Variants in ARHGAP23 observed in about 807,000 individuals in gnomAD.
The protein encoded by ARHGAP23 is rho GTPase-activating protein 23.
Under a neutral mutation model 136.3 loss-of-function variants are expected in ARHGAP23, and 34 were observed. That is an observed-to-expected ratio of 0.25 (90% CI 0.19 to 0.33). The LOEUF (loss-of-function observed/expected upper bound fraction) is 0.33, where lower values mean the gene tolerates loss of function less well. Ranked by LOEUF, ARHGAP23 falls within the 10% of genes least tolerant of loss-of-function variation. The probability of loss-of-function intolerance (pLI) is 1.00; values close to 1 mark genes in which losing one functional copy is unlikely to be tolerated. For synonymous variants in ARHGAP23, 832 were observed against 920.5 expected, an observed-to-expected ratio of 0.90 and a Z score of 1.74; for missense variants, 1,808 against 2,139.0, an observed-to-expected ratio of 0.85 and a Z score of 3.05.
At chr17:38,457,844 T>G in intron 1 of ARHGAP23, 1 of 567,070 alleles carries the variant, frequency 1.8e-6, no homozygotes, top group Non-Finnish European at 3.1e-6. Context: ...CTTGCTTCAG[T>G]GAGTTATTTT....
At chr17:38,448,714 C>T (rs2039090303) in intron 1 of ARHGAP23, among the ~76,000 whole-genome samples, 1 of 146,418 alleles carries the variant, frequency 6.8e-6, no homozygotes. Context: ...GGCGCGAACA[C>T]AGCTCACTGC....
chr17:38,507,574 C>T (rs1016608155), intron 23 of ARHGAP23, among the ~76,000 whole-genome samples: 2 of 152,196 alleles, frequency 1.3e-5, no homozygotes, highest in Non-Finnish European at 2.9e-5. Flanking sequence ...AGTCTGACCT[C>T]GTTGCTTCTG....
chr17:38,448,444 C>T (rs1055854255), intron 1 of ARHGAP23, among the ~76,000 whole-genome samples: 7 of 152,236 alleles, frequency 4.6e-5, no homozygotes, highest in African/African-American at 1.7e-4. Flanking sequence ...ACTTAATCCT[C>T]CCAACAACCT....
At chr17:38,440,207 C>T (rs913986202) in intron 1 of ARHGAP23, among the ~76,000 whole-genome samples, 3 of 152,016 alleles carry the variant, frequency 2.0e-5, no homozygotes, top group Non-Finnish European at 4.4e-5. Context: ...TTGGTAGAGA[C>T]AAGGTTTCAC....
At position 38,469,901 on chromosome 17, in the gene ARHGAP23, C is replaced by CGGGGTGAGAGCTGCAA. The variant is rs1567803544; in HGVS notation, c.1973_1974+14dup. 1.3e-6 allele frequency: 2 copies of CGGGGTGAGAGCTGCAA among 1,551,670 alleles called. No homozygotes were observed. Among genetic ancestry groups the CGGGGTGAGAGCTGCAA allele is most frequent in the South Asian group, 2.4e-5 (2 of 84,070 alleles). On this transcript the variant is annotated frameshift_variant, in exon 10 of 24. Transcript: ENST00000622683. LOFTEE classifies it high-confidence loss of function. ...GGATGCTCCGGAGCTTCTTCACCGACGGGGTGAGAGCTGCAAGTGTGTGTG... is the reference window on the plus strand; with the variant it reads ...GGATGCTCCGGAGCTTCTTCACCGACGGGGTGAGAGCTGCAAGGGGTGAGAGCTGCAAGTGTGTGTG...
intron 1 of ARHGAP23, among the ~76,000 whole-genome samples, chr17:38,439,723 G>A (rs2038879481): frequency 6.6e-6 from 1 of 151,906 alleles, no homozygotes; most frequent in Admixed American, 6.6e-5. Flanking sequence ...ATACAGCTAG[G>A]AAGTGGGCCT....
intron 23 of ARHGAP23, among the ~76,000 whole-genome samples, chr17:38,507,511 T>C (rs1050597710): frequency 6.6e-6 from 1 of 152,110 alleles, no homozygotes; most frequent in African/African-American, 2.4e-5. Context: ...CTGGATTAAC[T>C]CCCTGATCTC....
At chr17:38,453,567 G>C (rs1161158869) in intron 1 of ARHGAP23, 1 of 152,430 alleles carries the variant, frequency 6.6e-6, no homozygotes, top group Non-Finnish European at 1.5e-5. Context: ...GGTCGTGCGG[G>C]GGACTGTGTA....
chr17:38,510,411 G>A lies in ARHGAP23; in HGVS notation c.3915G>A (p.Pro1305=), dbSNP rs1483691220. The change falls in exon 24 of 24, where the codon CCG becomes CCA. Residue 1305 remains proline (P), a synonymous_variant. Transcript: ENST00000622683. This position sits in a 1 kb window ranked among gnomAD's most constrained non-coding sequence, Gnocchi z 4.6. ...AGPGGRLTRR[P]SFSSHHLMPC... ...CTGGGGGGCGCCTGACACGCCGGCC[G>A]TCCTTCAGCTCGCACCACCTCATGC... is the stretch of plus-strand genomic sequence containing the variant. The A allele has an allele frequency of 4.0e-6, 5 of 1,239,272 alleles. No individual in the cohort carries two copies. The highest frequency in any genetic ancestry group is 3.8e-5 in the South Asian group (1 of 26,666). The allele number at this position is 1,239,272 out of a possible 1,614,324, so 76.8% of individuals were successfully genotyped here.
intron 1 of ARHGAP23, among the ~76,000 whole-genome samples, chr17:38,429,403 G>A (rs1437918339): frequency 6.6e-6 from 1 of 152,248 alleles, no homozygotes; most frequent in Non-Finnish European, 1.5e-5. Flanking sequence ...TAAGTTGAAG[G>A]GTTGAACACT....
At chr17:38,457,138 C>G (rs2039345298) in intron 1 of ARHGAP23, among the ~76,000 whole-genome samples, 1 of 152,200 alleles carries the variant, frequency 6.6e-6, no homozygotes, top group African/African-American at 2.4e-5. Context: ...TCGAACTCGC[C>G]TTGGTCTCCC....
intron 1 of ARHGAP23, among the ~76,000 whole-genome samples, chr17:38,422,657 C>T (rs566080227): frequency 2.9e-4 from 44 of 152,282 alleles, no homozygotes; most frequent in African/African-American, 9.9e-4. Context: ...CTCTCGCTCC[C>T]GCCGTAGCCA....
At chr17:38,499,042 C>T (rs912406875) in intron 22 of ARHGAP23, 46 of 695,786 alleles carry the variant, frequency 6.6e-5, no homozygotes, top group African/African-American at 4.7e-4. Context: ...CAGAATGTCC[C>T]GGACTGTGAG....
intron 22 of ARHGAP23, among the ~76,000 whole-genome samples, chr17:38,499,216 G>A (rs1190992640): frequency 6.6e-6 from 1 of 152,228 alleles, no homozygotes; most frequent in Admixed American, 6.5e-5. Context: ...CTGCCCTCCT[G>A]CAGTGCCACA....
Position 38,486,423 on chromosome 17 carries a change from G to T in ARHGAP23, c.2986+283G>T, listed in dbSNP as rs58336324. ...AAAAGTTTTTTTTCAGAGATGGGGG[G>T]AGTTTCTCACTATGTTGCTCAGACT... On this transcript the variant is annotated intron_variant, in intron 17 of 23. Transcript: ENST00000622683. Among the ~76,000 whole-genome samples, 41,774 of 151,426 alleles carry T rather than the reference G, an allele frequency of 0.28. 6,215 individuals carry two copies. The highest frequency in any genetic ancestry group is 0.37 in the East Asian group (1,898 of 5,120).
chr17:38,483,657 T>A lies in ARHGAP23; in HGVS notation c.2907+979T>A, dbSNP rs1229354497. On this transcript the variant is annotated intron_variant, in intron 16 of 23. Transcript: ENST00000622683. ...CTCATGGAATACACAAGTCTTCCTGTCCTTGGAGAATGAGGAGCTGAGACA... is the reference window on the plus strand; with the variant it reads ...CTCATGGAATACACAAGTCTTCCTGACCTTGGAGAATGAGGAGCTGAGACA... Among the ~76,000 whole-genome samples the A allele has an allele frequency of 2.6e-5, 4 of 152,258 alleles. No individual in the cohort carries two copies. The East Asian group carries it at 7.7e-4, about 29-fold the overall frequency.
upstream of ARHGAP23, among the ~76,000 whole-genome samples, chr17:38,427,801 C>T (rs1456424045): frequency 6.6e-6 from 1 of 152,190 alleles, no homozygotes; most frequent in African/African-American, 2.4e-5. Flanking sequence ...TGGGCTGAGA[C>T]TCTGGCTGGG....
Position 38,458,169 on chromosome 17 carries a change from T to A in ARHGAP23, c.131T>A (p.Leu44Gln). 3 of 1,536,132 alleles carry A rather than the reference T, an allele frequency of 2.0e-6. No homozygotes were observed. Among genetic ancestry groups the A allele is most frequent in the Non-Finnish European group, 2.6e-6 (3 of 1,146,892 alleles). ...TTCCCCTGGCAGGGGCCGAGGACGCTGCTGCTGTACAAAAGTCCCCAGGAC... is the reference window on the plus strand; with the variant it reads ...TTCCCCTGGCAGGGGCCGAGGACGCAGCTGCTGTACAAAAGTCCCCAGGAC... ...RPFPWQGPRTLLLYKSPQDGF... is the reference protein window; with the variant it reads ...RPFPWQGPRTQLLYKSPQDGF... The change falls in exon 2 of 24, where the codon CTG becomes CAG. Residue 44 changes from leucine (L) to glutamine (Q), a missense_variant. Physicochemically the swap from Leu to Gln is moderately radical, Grantham distance 113 (BLOSUM62 -2). Coordinates refer to ENST00000622683, the MANE Select transcript of ARHGAP23 (RefSeq NM_001199417.2).
chr17:38,506,252 T>G (rs2040632454), intron 23 of ARHGAP23, among the ~76,000 whole-genome samples: 2 of 152,254 alleles, frequency 1.3e-5, no homozygotes, highest in Non-Finnish European at 1.5e-5. Flanking sequence ...GAGTTAGAGA[T>G]AAAATTGTCC....
Sources: gnomAD v4.1 joint callset for allele counts (sites outside exome capture counted in the v4.1 genomes callset) on GRCh38, gnomAD v4.1.1 for gene constraint, Gnocchi (gnomAD v3.1) non-coding constraint, MANE v1.5 for transcripts, NCBI Gene and HGNC (gene_info 2026-07-23, HGNC 2026-07-21) for gene names.